Variants in FARP2 observed in about 807,000 individuals in gnomAD.
FARP2 encodes FERM, ARHGEF and pleckstrin domain-containing protein 2.
In FARP2, 111 loss-of-function variants were observed where a neutral mutation model predicts 130.5. The observed-to-expected ratio is 0.85, with a 90% CI of 0.73 to 1.00. The LOEUF is 1.00. Among genes scored for constraint, FARP2 ranks in the 50% least tolerant of loss-of-function variants. The pLI is 0.00. For missense variants in FARP2, 1,385 were observed against 1,346.3 expected, an observed-to-expected ratio of 1.03 and a Z score of -0.45; for synonymous variants, 504 against 516.9, an observed-to-expected ratio of 0.98 and a Z score of 0.34.
chr2:241,478,766 G>A (rs749301017), intron 19 of FARP2: 19 of 418,610 alleles, frequency 4.5e-5, no homozygotes, highest in Non-Finnish European at 8.6e-5. Context: ...TGTGTACCAC[G>A]TGCTTCAGTG....
At chr2:241,403,704 T>G (rs2062255218) in intron 2 of FARP2, 124 bp from the exon 3 acceptor site, 4 of 495,202 alleles carry the variant, frequency 8.1e-6, no homozygotes, top group Non-Finnish European at 1.5e-5. Flanking sequence ...TTTATAAATC[T>G]TAGTTATACA....
chr2:241,448,521 C>CA (rs2063568908), intron 13 of FARP2, among the ~76,000 whole-genome samples: 1 of 152,188 alleles, frequency 6.6e-6, no homozygotes, highest in African/African-American at 2.4e-5. Flanking sequence ...ATTAATAAGT[C>CA]AGAGCATGCT....
chr2:241,485,007 G>A (rs1190308345), intron 21 of FARP2, among the ~76,000 whole-genome samples: 2 of 152,090 alleles, frequency 1.3e-5, no homozygotes, highest in Admixed American at 6.5e-5. Context: ...CTGCCAGGGC[G>A]CCAAGGACAG....
intron 24 of FARP2, 93 bp downstream of exon 24, chr2:241,491,772 AG>A: frequency 7.6e-7 from 1 of 1,311,434 alleles, no homozygotes; most frequent in Non-Finnish European, 1.0e-6. Flanking sequence ...GGAGGGTACC[AG>A]CAGGCAGGCT....
At chr2:241,379,998 C>G (rs957701400) in intron 2 of FARP2, among the ~76,000 whole-genome samples, 1 of 152,100 alleles carries the variant, frequency 6.6e-6, no homozygotes, top group African/African-American at 2.4e-5. Flanking sequence ...CTCCCAGAGC[C>G]AGCTCCCCCA....
chr2:241,391,116 T>G (rs1034188095), intron 2 of FARP2, among the ~76,000 whole-genome samples: 2 of 152,160 alleles, frequency 1.3e-5, no homozygotes, highest in African/African-American at 4.8e-5. Flanking sequence ...CTGGAACTCT[T>G]TTGGTTGATG....
intron 2 of FARP2, among the ~76,000 whole-genome samples, chr2:241,382,292 ATTT>A (rs772855102): frequency 7.9e-6 from 1 of 126,250 alleles, no homozygotes. Context: ...TACAAAATCT[ATTT>A]TTTTTTTTTT....
chr2:241,396,163 C>G (rs1575501407), intron 2 of FARP2, among the ~76,000 whole-genome samples: 1 of 151,920 alleles, frequency 6.6e-6, no homozygotes, highest in Non-Finnish European at 1.5e-5. Context: ...CCCTTCCTTA[C>G]ACCTTATACA....
intron 8 of FARP2, among the ~76,000 whole-genome samples, chr2:241,422,364 C>T (rs1158440489): frequency 2.0e-5 from 3 of 151,358 alleles, no homozygotes; most frequent in Admixed American, 1.3e-4. Flanking sequence ...GATCGTGCCA[C>T]TGCACTCCAC....
At chr2:241,383,240 G>A (rs560878282) in intron 2 of FARP2, among the ~76,000 whole-genome samples, 1 of 152,334 alleles carries the variant, frequency 6.6e-6, no homozygotes, top group South Asian at 2.1e-4. Context: ...GTTCGGCAGT[G>A]GGGAGCTCAA....
intron 2 of FARP2, among the ~76,000 whole-genome samples, chr2:241,378,506 G>A (rs148410604): frequency 0.013 from 1,894 of 145,612 alleles, 25 homozygotes; most frequent in Middle Eastern, 0.046. Context: ...TGACCTCCCC[G>A]GGTTCAGGTG....
At chr2:241,442,677 T>C (rs1198536339) in intron 13 of FARP2, 2 of 339,690 alleles carry the variant, frequency 5.9e-6, no homozygotes, top group Non-Finnish European at 1.2e-5. Flanking sequence ...TTTATTATAC[T>C]TTTTTGAATG....
chr2:241,429,090 A>G (rs967559153), intron 8 of FARP2, among the ~76,000 whole-genome samples: 3 of 152,246 alleles, frequency 2.0e-5, no homozygotes, highest in African/African-American at 4.8e-5. Flanking sequence ...AAATGTTGGT[A>G]ACATCAAACG....
intron 14 of FARP2, among the ~76,000 whole-genome samples, chr2:241,458,654 T>C (rs997440442): frequency 6.6e-6 from 1 of 151,998 alleles, no homozygotes; most frequent in Non-Finnish European, 1.5e-5. Context: ...CTAATGACAA[T>C]CTCTTTAGTT....
chr2:241,432,971 T>G (rs1452959937), intron 9 of FARP2, among the ~76,000 whole-genome samples: 2 of 152,212 alleles, frequency 1.3e-5, no homozygotes, highest in African/African-American at 4.8e-5. Flanking sequence ...TGGTACACAC[T>G]GGGTTCACGT....
chr2:241,437,291 T>C (rs1177635069), intron 12 of FARP2, among the ~76,000 whole-genome samples: 1 of 152,216 alleles, frequency 6.6e-6, no homozygotes, highest in Non-Finnish European at 1.5e-5. Flanking sequence ...AGACACTTCA[T>C]ACAAAAACAT....
At chr2:241,462,145 C>T (rs1387743859) in intron 14 of FARP2, among the ~76,000 whole-genome samples, 1 of 152,214 alleles carries the variant, frequency 6.6e-6, no homozygotes, top group Non-Finnish European at 1.5e-5. Flanking sequence ...TTAGAATGCG[C>T]ACTGTTTGCT....
chr2:241,429,614 A>G (rs1025021179), intron 8 of FARP2, among the ~76,000 whole-genome samples: 6 of 152,090 alleles, frequency 3.9e-5, no homozygotes, highest in African/African-American at 1.4e-4. Context: ...GTTTTTGACT[A>G]GGTAGTGGCT....
intron 9 of FARP2, among the ~76,000 whole-genome samples, chr2:241,433,314 T>G (rs1338366688): frequency 1.3e-5 from 2 of 152,176 alleles, no homozygotes; most frequent in African/African-American, 2.4e-5. Flanking sequence ...TATTACAGTC[T>G]TTGTGGAAGG....
Sources: gnomAD v4.1 joint callset for allele counts (sites outside exome capture counted in the v4.1 genomes callset) on GRCh38, gnomAD v4.1.1 for gene constraint, MANE v1.5 for transcripts, NCBI Gene and HGNC (gene_info 2026-07-23, HGNC 2026-07-21) for gene names.